RBFOX3: variants seen among roughly 807,000 people sequenced by gnomAD.
RBFOX3 encodes the protein RNA binding protein fox-1 homolog 3.
RBFOX3 carries 17 observed loss-of-function variants against 48.7 expected under a neutral mutation model. The ratio of observed to expected loss-of-function variants is 0.35; its 90% CI spans 0.24 to 0.52. RBFOX3 has a LOEUF of 0.52. RBFOX3 is among the 20% of genes least tolerant of loss of function. The pLI is 0.94. For synonymous variants in RBFOX3, 212 were observed against 209.5 expected, an observed-to-expected ratio of 1.01 and a Z score of -0.10; for missense variants, 382 against 497.5, an observed-to-expected ratio of 0.77 and a Z score of 2.21.
intron 2 of RBFOX3, among the ~76,000 whole-genome samples, chr17:79,436,826 C>A (rs2069568346): frequency 6.6e-6 from 1 of 152,114 alleles, no homozygotes; most frequent in South Asian, 2.1e-4. Context: ...TGGGACCTCA[C>A]CAGCCTCAGA....
intron 3 of RBFOX3, among the ~76,000 whole-genome samples, chr17:79,280,061 C>T (rs986761042): frequency 2.0e-5 from 3 of 151,978 alleles, no homozygotes; most frequent in Non-Finnish European, 2.9e-5. Context: ...ATGGGAAGAG[C>T]GAAGCAGCAG....
At chr17:79,461,583 C>T (rs2075372566) in intron 2 of RBFOX3, among the ~76,000 whole-genome samples, 1 of 152,224 alleles carries the variant, frequency 6.6e-6, no homozygotes. Flanking sequence ...CGGCACACTG[C>T]CCATTTCCCC....
Position 79,092,957 on chromosome 17 carries a change from A to AGG in RBFOX3, c.1077+1492_1077+1493dup, listed in dbSNP as rs55907503. ...CTGGCCTCTCACTGTCCTTATGCAG[A>AGG]GGGGGGGTCCCAGCTTGAGCCCCAC... is the stretch of plus-strand genomic sequence containing the variant. On this transcript the variant is annotated intron_variant, in intron 14 of 14. Coordinates refer to ENST00000693108, the MANE Select transcript of RBFOX3 (RefSeq NM_001350451.2). 6.8e-3 allele frequency among the ~76,000 whole-genome samples: 1,037 copies of AGG among 152,002 alleles called. 12 individuals are homozygous for AGG. The highest frequency in any genetic ancestry group is 0.023 in the African/African-American group (969 of 41,430).
chr17:79,515,217 C>T (rs2085074947), intron 1 of RBFOX3, among the ~76,000 whole-genome samples: 2 of 152,224 alleles, frequency 1.3e-5, no homozygotes, highest in Admixed American at 6.5e-5. Context: ...ATCAGCAGAG[C>T]CCTGCTCTGG....
Position 79,425,450 on chromosome 17 carries a change from A to G in RBFOX3, c.-175+57004T>C, listed in dbSNP as rs576951763. Among the ~76,000 whole-genome samples, 10 of 152,206 alleles carry G rather than the reference A, an allele frequency of 6.6e-5. No homozygotes were observed. The East Asian group carries it at 1.9e-3, about 29-fold the overall frequency. On this transcript the variant is annotated intron_variant, in intron 2 of 14. Coordinates refer to ENST00000693108, the MANE Select transcript of RBFOX3 (RefSeq NM_001350451.2). ...CCTGCACTCCCCAGAGGAAGGAGGC[A>G]CCTCCCACCCGGACTGGAGCCGTGT...
At chr17:79,411,141 C>T (rs190838008) in intron 2 of RBFOX3, among the ~76,000 whole-genome samples, 45 of 152,294 alleles carry the variant, frequency 3.0e-4, no homozygotes, top group Middle Eastern at 3.4e-3. Context: ...GGCGCTGTGC[C>T]GACGGAGCCG....
At chr17:79,642,726 GAGA>G in the RBFOX3 span, among the ~76,000 whole-genome samples, 1 of 152,086 alleles carries the variant, frequency 6.6e-6, no homozygotes, top group Non-Finnish European at 1.5e-5. Flanking sequence ...AAAGAAGGCC[GAGA>G]AGGAGGTACA....
At chr17:79,138,471 CCAT>C (rs909466882) in intron 4 of RBFOX3, among the ~76,000 whole-genome samples, 1 of 152,106 alleles carries the variant, frequency 6.6e-6, no homozygotes. Context: ...CACATACACA[CCAT>C]GTCACAGTCA....
At chr17:79,582,782 CAAAAAAAAAAAA>C (rs36155299) in intron 1 of RBFOX3, among the ~76,000 whole-genome samples, 1,240 of 46,938 alleles carry the variant, frequency 0.026, 23 homozygotes, top group Middle Eastern at 0.16. Context: ...GACCCCGTCT[CAAAAAAAAAAAA>C]AAAAAAAAAA....
intron 2 of RBFOX3, among the ~76,000 whole-genome samples, chr17:79,464,852 G>A (rs762254407): frequency 1.3e-5 from 2 of 152,200 alleles, no homozygotes; most frequent in African/African-American, 4.8e-5. Context: ...CACAGTGCTC[G>A]CCCTGTTGTG....
intron 2 of RBFOX3, among the ~76,000 whole-genome samples, chr17:79,435,507 C>T (rs1178749376): frequency 6.6e-6 from 1 of 152,238 alleles, no homozygotes; most frequent in Non-Finnish European, 1.5e-5. Flanking sequence ...TCTCTGTACC[C>T]AGCTTTACCT....
chr17:79,599,683 C>T (rs2093657966), intron 1 of RBFOX3: 1 of 152,210 alleles, frequency 6.6e-6, no homozygotes, highest in Non-Finnish European at 1.5e-5. Flanking sequence ...GGCTACCTGG[C>T]TGGGGAAAAA....
At chr17:79,257,908 A>G (rs888501135) in intron 3 of RBFOX3, among the ~76,000 whole-genome samples, 1 of 152,194 alleles carries the variant, frequency 6.6e-6, no homozygotes, top group East Asian at 1.9e-4. Flanking sequence ...TTGGGAAAAA[A>G]AAATAAAAAA....
intron 2 of RBFOX3, among the ~76,000 whole-genome samples, chr17:79,433,782 TCCACACTGGATTAGC>T (rs150537980): frequency 0.023 from 3,511 of 152,212 alleles, 158 homozygotes; most frequent in African/African-American, 0.08. Context: ...CAAGTCACCG[TCCACACTGGATTAGC>T]CAATACTAAA....
intron 2 of RBFOX3, among the ~76,000 whole-genome samples, chr17:79,424,829 C>G (rs1213794590): frequency 1.3e-5 from 2 of 152,076 alleles, no homozygotes; most frequent in Non-Finnish European, 2.9e-5. Context: ...CCTGACTCGC[C>G]CCATCTCTGC....
upstream of RBFOX3, among the ~76,000 whole-genome samples, chr17:79,615,236 A>C (rs1254254677): frequency 6.6e-6 from 1 of 152,214 alleles, no homozygotes; most frequent in African/African-American, 2.4e-5. Flanking sequence ...AAAATTAACA[A>C]TCAAACGTGA....
chr17:79,498,868 TCATCCATCCATCCATCCATC>T (rs56766707), intron 1 of RBFOX3, among the ~76,000 whole-genome samples: 1 of 135,648 alleles, frequency 7.4e-6, no homozygotes, highest in South Asian at 2.7e-4. Flanking sequence ...ACCCATTCGC[TCATCCATCCATCCATCCATC>T]CATCCATCCA....
At chr17:79,576,977 C>T (rs1314574284) in intron 1 of RBFOX3, among the ~76,000 whole-genome samples, 5 of 152,132 alleles carry the variant, frequency 3.3e-5, no homozygotes, top group South Asian at 2.1e-4. Context: ...ATGGGGTTCC[C>T]GAGAGCCCCA....
At chr17:79,245,215 G>A (rs945198189) in intron 3 of RBFOX3, among the ~76,000 whole-genome samples, 3 of 152,050 alleles carry the variant, frequency 2.0e-5, no homozygotes, top group African/African-American at 7.2e-5. Context: ...TGGGTCTACA[G>A]GCGTACGCCA....
Sources: allele counts gnomAD v4.1 joint callset (sites outside exome capture counted in the v4.1 genomes callset), GRCh38; gene constraint gnomAD v4.1.1; transcripts MANE v1.5; gene names NCBI Gene and HGNC (gene_info 2026-07-23, HGNC 2026-07-21).